The following HHAT variants were observed in gnomAD, a reference collection of about 807,000 sequenced individuals.
HHAT encodes the protein protein-cysteine N-palmitoyltransferase HHAT.
A neutral mutation model predicts 70.8 loss-of-function variants in HHAT; 47 were observed. That is an observed-to-expected ratio of 0.66 (90% CI 0.53 to 0.85). HHAT has a LOEUF of 0.85. HHAT is among the 40% of genes least tolerant of loss of function. HHAT has a pLI of 0.00. For missense variants in HHAT, 609 were observed against 604.8 expected, an observed-to-expected ratio of 1.01 and a Z score of -0.07; for synonymous variants, 228 against 247.6, an observed-to-expected ratio of 0.92 and a Z score of 0.74.
Position 210,494,542 on chromosome 1 carries a change from C to CTTTTTTTTTTTTTTTTTTTT in HHAT, c.1008-18603_1008-18584dup, listed in dbSNP as rs71146226. Among the ~76,000 whole-genome samples the CTTTTTTTTTTTTTTTTTTTT allele has an allele frequency of 1.0e-3, 83 of 82,842 alleles. 8 individuals are homozygous for CTTTTTTTTTTTTTTTTTTTT. Among genetic ancestry groups the CTTTTTTTTTTTTTTTTTTTT allele is most frequent in the Middle Eastern group, 7.0e-3 (1 of 142 alleles). 54.3% of individuals were successfully genotyped at this position (82,842 alleles called of 152,430 possible). A position where few individuals can be genotyped will look rare whatever the true frequency, so the allele number is the denominator to read the frequency against. On this transcript the variant is annotated intron_variant, in intron 8 of 11. Coordinates refer to ENST00000261458, the MANE Select transcript of HHAT (RefSeq NM_018194.6). ...AGATCAGGAGTTCAGTTTGAAATAG[C>CTTTTTTTTTTTTTTTTTTTT]TTTTTTTTTTTTTTTTTTTTTTTTT...
At chr1:210,469,200 A>G (rs567716250) in intron 8 of HHAT, among the ~76,000 whole-genome samples, 2 of 152,274 alleles carry the variant, frequency 1.3e-5, no homozygotes, top group South Asian at 2.1e-4. Context: ...AGATGTGATG[A>G]TTCTGAGATA....
intron 4 of HHAT, among the ~76,000 whole-genome samples, chr1:210,388,396 G>C (rs2091232926): frequency 6.6e-6 from 1 of 152,178 alleles, no homozygotes; most frequent in South Asian, 2.1e-4. Flanking sequence ...CAGAAAGTGA[G>C]ATGCAGAAAT....
At chr1:210,484,474 A>G (rs1203719967) in intron 8 of HHAT, among the ~76,000 whole-genome samples, 1 of 146,428 alleles carries the variant, frequency 6.8e-6, no homozygotes, top group Non-Finnish European at 1.5e-5. Context: ...TGTCTGATTT[A>G]TCCGCTGTTA....
chr1:210,442,377 G>A lies in HHAT; in HGVS notation c.857-22128G>A, dbSNP rs551917290. Among the ~76,000 whole-genome samples, 109 of 142,620 alleles carry A rather than the reference G, an allele frequency of 7.6e-4. 1 individual carries two copies. The highest frequency in any genetic ancestry group is 2.7e-3 in the African/African-American group (104 of 38,090). 93.6% of individuals were successfully genotyped at this position (142,620 alleles called of 152,430 possible). On this transcript the variant is annotated intron_variant, in intron 7 of 11. Coordinates refer to ENST00000261458, the MANE Select transcript of HHAT (RefSeq NM_018194.6). ...TTGGGTATATACCCAGTAATGGGAT[G>A]GCTGGGTCAAATGGTATTTCCAGTT...
At chr1:210,531,940 T>C (rs1213711720) in intron 9 of HHAT, among the ~76,000 whole-genome samples, 2 of 152,232 alleles carry the variant, frequency 1.3e-5, no homozygotes, top group African/African-American at 4.8e-5. Context: ...TGATGATTCC[T>C]GGGTACTTGC....
intron 2 of HHAT, among the ~76,000 whole-genome samples, chr1:210,354,068 G>A (rs1395227183): frequency 1.3e-5 from 2 of 152,078 alleles, no homozygotes; most frequent in Admixed American, 1.3e-4. Flanking sequence ...GCCAATTAAC[G>A]CTTCCAAAGG....
intron 10 of HHAT, 133 bp from the exon 11 acceptor site, chr1:210,623,393 C>T (rs1669242070): frequency 1.1e-6 from 1 of 949,420 alleles, no homozygotes; most frequent in Non-Finnish European, 1.6e-6. Context: ...GTTTTGAGAG[C>T]TGTTTAAATA....
intron 3 of HHAT, among the ~76,000 whole-genome samples, chr1:210,379,762 A>G (rs1343802137): frequency 6.6e-6 from 1 of 152,238 alleles, no homozygotes; most frequent in Non-Finnish European, 1.5e-5. Context: ...CAAGGACATA[A>G]TACTTCATAC....
At chr1:210,518,200 A>T (rs1036785927) in intron 9 of HHAT, among the ~76,000 whole-genome samples, 9 of 152,078 alleles carry the variant, frequency 5.9e-5, no homozygotes, top group African/African-American at 2.2e-4. Flanking sequence ...CTTCCTATCT[A>T]ATTGAAACTT....
intron 9 of HHAT, among the ~76,000 whole-genome samples, chr1:210,554,074 G>T (rs916050871): frequency 2.6e-5 from 4 of 152,158 alleles, no homozygotes; most frequent in Non-Finnish European, 5.9e-5. Context: ...GGGGCTGCTA[G>T]GTTATGAACA....
chr1:210,646,620 A>C (rs535311806), intron 11 of HHAT, among the ~76,000 whole-genome samples: 1 of 152,370 alleles, frequency 6.6e-6, no homozygotes, highest in Admixed American at 6.5e-5. Flanking sequence ...GGAAAATTTG[A>C]AAATAACAGA....
At chr1:210,434,468 A>G (rs1343851341) in intron 7 of HHAT, among the ~76,000 whole-genome samples, 1 of 151,856 alleles carries the variant, frequency 6.6e-6, no homozygotes, top group Non-Finnish European at 1.5e-5. Context: ...AGTTCAAACA[A>G]GGTTTAAGTT....
At chr1:210,464,756 C>G (rs1007617147) in intron 8 of HHAT, 101 bp downstream of exon 8, 15 of 1,180,642 alleles carry the variant, frequency 1.3e-5, no homozygotes, top group Non-Finnish European at 1.6e-5. Context: ...CTCCCTGTCT[C>G]TCACTCAAGC....
At chr1:210,583,167 T>G (rs533163739) in intron 9 of HHAT, among the ~76,000 whole-genome samples, 1 of 152,322 alleles carries the variant, frequency 6.6e-6, no homozygotes, top group East Asian at 1.9e-4. Context: ...GGGCACTCAG[T>G]AAAGGGTAGA....
chr1:210,374,264 GT>G (rs1238982627), intron 3 of HHAT: 5 of 126,466 alleles, frequency 4.0e-5, no homozygotes, highest in African/African-American at 1.8e-4. Context: ...AGAGAAACCA[GT>G]GTAATGCTAC....
At chr1:210,559,149 C>T (rs1381217565) in intron 9 of HHAT, among the ~76,000 whole-genome samples, 3 of 152,118 alleles carry the variant, frequency 2.0e-5, no homozygotes, top group Non-Finnish European at 4.4e-5. Context: ...AAGTTTCAGC[C>T]TAGTTCAGAT....
chr1:210,391,956 A>G (rs888850774), intron 4 of HHAT, among the ~76,000 whole-genome samples: 2 of 152,032 alleles, frequency 1.3e-5, no homozygotes, highest in African/African-American at 4.8e-5. Context: ...TGTAACCTCC[A>G]ACTCCTGGGT....
At chr1:210,368,018 TTTC>T (rs2089179085) in intron 3 of HHAT, among the ~76,000 whole-genome samples, 1 of 150,596 alleles carries the variant, frequency 6.6e-6, no homozygotes, top group African/African-American at 2.4e-5. Context: ...TCCCTTTTTC[TTTC>T]TTCTTGCTGG....
intron 7 of HHAT, among the ~76,000 whole-genome samples, chr1:210,419,807 C>T (rs929220093): frequency 6.6e-6 from 1 of 152,128 alleles, no homozygotes; most frequent in Admixed American, 6.6e-5. Context: ...TACAATTAGA[C>T]AAACAGAATA....
Sources: gnomAD v4.1 joint callset for allele counts (sites outside exome capture counted in the v4.1 genomes callset) on GRCh38, gnomAD v4.1.1 for gene constraint, MANE v1.5 for transcripts, NCBI Gene and HGNC (gene_info 2026-07-23, HGNC 2026-07-21) for gene names.